Variants in INVS observed in about 807,000 individuals in gnomAD.
The protein encoded by INVS is inversin.
In INVS, 86 loss-of-function variants were observed where a neutral mutation model predicts 108.8. That is an observed-to-expected ratio of 0.79 (90% confidence interval 0.66 to 0.95). INVS has a LOEUF of 0.95. INVS is among the 40% of genes least tolerant of loss of function. The pLI is 0.00. For synonymous variants in INVS, 455 were observed against 473.5 expected, an observed-to-expected ratio of 0.96 and a Z score of 0.51; for missense variants, 1,169 against 1,297.4, an observed-to-expected ratio of 0.90 and a Z score of 1.52.
In INVS at chr9:100,259,770, G is replaced by A. The variant is rs567497656; in HGVS notation, c.1465-5052G>A. Among the ~76,000 whole-genome samples, 31 of 150,432 alleles carry A rather than the reference G, an allele frequency of 2.1e-4. No homozygotes were observed. The South Asian group carries it at 2.5e-3, about 12-fold the overall frequency. On this transcript the variant is annotated intron_variant, in intron 10 of 16. Transcript: ENST00000262457. ...TCGTCACATTGGCCAGGCTGGTCTC[G>A]AACTCCTGATCTCAGGTGATCCGCC...
At chr9:100,226,527 T>C (rs1831327616) in intron 4 of INVS, among the ~76,000 whole-genome samples, 1 of 152,024 alleles carries the variant, frequency 6.6e-6, no homozygotes, top group Non-Finnish European at 1.5e-5. Context: ...AATCTAGTCC[T>C]GTCGGCCGGG....
chr9:100,252,644 CT>C, intron 9 of INVS, among the ~76,000 whole-genome samples: 1 of 152,292 alleles, frequency 6.6e-6, no homozygotes, highest in Middle Eastern at 3.4e-3. Context: ...GTAATTTCAC[CT>C]GCCTGATCTT....
At chr9:100,225,611 A>T (rs1831291095) in intron 3 of INVS, among the ~76,000 whole-genome samples, 1 of 152,230 alleles carries the variant, frequency 6.6e-6, no homozygotes, top group South Asian at 2.1e-4. Context: ...CTGCTGTTAG[A>T]TAGCAATTTG....
At chr9:100,253,678 C>T (rs866230551) in intron 10 of INVS, among the ~76,000 whole-genome samples, 3 of 152,134 alleles carry the variant, frequency 2.0e-5, no homozygotes, top group Middle Eastern at 6.8e-3. Flanking sequence ...GGTTTTCTGT[C>T]CTTGCGATAG....
chr9:100,237,701 C>T (rs1308087055), intron 5 of INVS, among the ~76,000 whole-genome samples: 1 of 152,122 alleles, frequency 6.6e-6, no homozygotes, highest in Non-Finnish European at 1.5e-5. Context: ...TCTAACCAGT[C>T]CCAATGAGAT....
chr9:100,179,063 A>C (rs1450292176), intron 3 of INVS, among the ~76,000 whole-genome samples: 4 of 152,172 alleles, frequency 2.6e-5, no homozygotes, highest in Admixed American at 2.6e-4. Flanking sequence ...AGGAGAAATA[A>C]AATCCTTTAC....
intron 3 of INVS, among the ~76,000 whole-genome samples, chr9:100,148,871 G>A (rs1404937691): frequency 6.6e-6 from 1 of 152,100 alleles, no homozygotes; most frequent in African/African-American, 2.4e-5. Context: ...TGCAACATAT[G>A]TATGAAAACA....
At chr9:100,256,511 G>A (rs1358711619) in intron 10 of INVS, among the ~76,000 whole-genome samples, 5 of 152,136 alleles carry the variant, frequency 3.3e-5, no homozygotes, top group Non-Finnish European at 7.3e-5. Flanking sequence ...TGATGCTAGG[G>A]TGTCAATTTT....
At chr9:100,188,860 G>A (rs1223358214) in intron 3 of INVS, among the ~76,000 whole-genome samples, 1 of 151,866 alleles carries the variant, frequency 6.6e-6, no homozygotes, top group Non-Finnish European at 1.5e-5. Flanking sequence ...TAAAATTACT[G>A]AGTCAATCTC....
chr9:100,112,851 G>A (rs1827385503), intron 2 of INVS, among the ~76,000 whole-genome samples: 1 of 152,168 alleles, frequency 6.6e-6, no homozygotes, highest in Non-Finnish European at 1.5e-5. Flanking sequence ...TTACTCTTGT[G>A]ACCATAGTTC....
At chr9:100,277,666 C>G (rs1833152123) in intron 12 of INVS, among the ~76,000 whole-genome samples, 1 of 152,178 alleles carries the variant, frequency 6.6e-6, no homozygotes. Context: ...TAAATGATCT[C>G]TAACGTCCCT....
At position 100,111,027 on chromosome 9, in the gene INVS, T is replaced by G. The variant is rs190001673; in HGVS notation, c.106+6400T>G. Among the ~76,000 whole-genome samples the G allele has an allele frequency of 3.6e-3, 544 of 152,342 alleles. 3 individuals are homozygous for G. Among genetic ancestry groups the G allele is most frequent in the African/African-American group, 0.012 (515 of 41,584 alleles). On this transcript the variant is annotated intron_variant, in intron 2 of 16. Transcript: ENST00000262457. ...TCAAACCAAATTATCTGATGATGAA[T>G]CCTATGTTCTTTCCATTGTTCCCAT...
At chr9:100,237,991 G>C (rs1223876715) in intron 5 of INVS, among the ~76,000 whole-genome samples, 1 of 152,086 alleles carries the variant, frequency 6.6e-6, no homozygotes, top group East Asian at 1.9e-4. Context: ...TGATTCTCCT[G>C]CTTCATCCTC....
intron 8 of INVS, among the ~76,000 whole-genome samples, chr9:100,247,584 C>A (rs1358723211): frequency 6.6e-6 from 1 of 151,932 alleles, no homozygotes; most frequent in Non-Finnish European, 1.5e-5. Flanking sequence ...CCATTTGCAT[C>A]TACTGTTATC....
At chr9:100,152,347 G>C (rs1422168211) in intron 3 of INVS, among the ~76,000 whole-genome samples, 1 of 152,012 alleles carries the variant, frequency 6.6e-6, no homozygotes, top group Non-Finnish European at 1.5e-5. Context: ...CAGTATAGTT[G>C]TCATCTCTCC....
intron 11 of INVS, among the ~76,000 whole-genome samples, chr9:100,272,511 C>A (rs1464494832): frequency 1.3e-5 from 2 of 152,158 alleles, no homozygotes; most frequent in East Asian, 3.9e-4. Context: ...TTACAAATCT[C>A]ACAATATTTT....
intron 3 of INVS, among the ~76,000 whole-genome samples, chr9:100,149,424 T>C (rs1415927): frequency 0.21 from 31,989 of 152,174 alleles, 5,719 homozygotes; most frequent in African/African-American, 0.49. Flanking sequence ...TTGACTTCAA[T>C]GCTAGCTAGG....
At chr9:100,129,145 C>A (rs929084748) in intron 3 of INVS, among the ~76,000 whole-genome samples, 5 of 150,982 alleles carry the variant, frequency 3.3e-5, no homozygotes, top group Non-Finnish European at 7.4e-5. Context: ...CAAAGTGAGA[C>A]CCTGTCTCAA....
Position 100,301,329 on chromosome 9 carries a change from A to C in INVS, c.*655A>C, listed in dbSNP as rs1300191605. The stretch of plus-strand genomic sequence containing the variant: ...TTACAGTTCCTACGTTAGCCTCTCA[A>C]GGCCACAAGTTGCCGCCACGTCTTC... On this transcript the variant is annotated 3_prime_UTR_variant, in exon 17 of 17. Transcript: ENST00000262457. Among the ~76,000 whole-genome samples the C allele has an allele frequency of 6.6e-6, 1 of 152,176 alleles. No individual in the cohort carries two copies. The highest frequency in any genetic ancestry group is 1.5e-5 in the Non-Finnish European group (1 of 68,040).
Sources: gnomAD v4.1 joint callset for allele counts (sites outside exome capture counted in the v4.1 genomes callset) on GRCh38, gnomAD v4.1.1 for gene constraint, MANE v1.5 for transcripts, NCBI Gene and HGNC (gene_info 2026-07-23, HGNC 2026-07-21) for gene names.